FRY: variants seen among roughly 807,000 people sequenced by gnomAD.
FRY encodes FRY microtubule binding protein, also known as protein furry homolog.
A neutral mutation model predicts 348.4 loss-of-function variants in FRY; 128 were observed. The ratio of observed to expected loss-of-function variants is 0.37; its 90% CI spans 0.32 to 0.43. The LOEUF is 0.43. FRY is among the 20% of genes least tolerant of loss of function. FRY has a pLI of 1.00. For missense variants in FRY, 2,736 were observed against 3,695.2 expected (o/e 0.74, Z 6.73); for synonymous variants, 1,370 against 1,374.7 (o/e 1.00, Z 0.08).
chr13:32,172,270 T>C (rs1452039965), intron 18 of FRY, among the ~76,000 whole-genome samples: 4 of 152,194 alleles, frequency 2.6e-5, no homozygotes, highest in Non-Finnish European at 4.4e-5. Context: ...TGGATATTGA[T>C]GTGGATGTAG....
chr13:32,078,054 ATGAATTCAAAAAAAG>A (rs1875215499), intron 1 of FRY, among the ~76,000 whole-genome samples: 1 of 152,330 alleles, frequency 6.6e-6, no homozygotes, highest in East Asian at 1.9e-4. Flanking sequence ...AACTGCATTT[ATGAATTCAAAAAAAG>A]TTTAGCAACT....
At chr13:32,292,024 C>CCA (rs1387022050) in intron 59 of FRY, 1 of 451,540 alleles carries the variant, frequency 2.2e-6, no homozygotes, top group African/African-American at 2.0e-5. Context: ...ACTCTGTTGC[C>CCA]CAGGCTGGAG....
At chr13:32,229,156 T>C (rs1317030856) in intron 40 of FRY, among the ~76,000 whole-genome samples, 1 of 152,160 alleles carries the variant, frequency 6.6e-6, no homozygotes, top group African/African-American at 2.4e-5. Context: ...GGAAGCATAA[T>C]AGGAAAGGAA....
chr13:32,068,954 C>T (rs1181904718), intron 1 of FRY, among the ~76,000 whole-genome samples: 2 of 140,130 alleles, frequency 1.4e-5, no homozygotes, highest in African/African-American at 5.3e-5. Flanking sequence ...CTCGCTCTGT[C>T]GCCCAGGCTG....
chr13:32,283,585 C>T (rs1046293065), intron 58 of FRY, among the ~76,000 whole-genome samples: 1 of 152,216 alleles, frequency 6.6e-6, no homozygotes, highest in African/African-American at 2.4e-5. Context: ...GAGGAAAATT[C>T]TCAGCGCATG....
chr13:32,180,250 C>A (rs1375787608), intron 23 of FRY, among the ~76,000 whole-genome samples: 1 of 136,262 alleles, frequency 7.3e-6, no homozygotes, highest in East Asian at 2.1e-4. Context: ...TTTTTTTTTT[C>A]TTGAGACGGA....
chr13:32,060,293 GC>G lies in FRY; in HGVS notation c.71-18540del, dbSNP rs549161932. On this transcript the variant is annotated intron_variant, in intron 1 of 60. Transcript: ENST00000542859. ...AACCTAAACCTGTTTTCTTTTGAAG[GC>G]AGAACACTTAACATTCTCCAATATT... Among the ~76,000 whole-genome samples the G allele has an allele frequency of 2.2e-3, 340 of 152,264 alleles. 2 individuals carry two copies. Among genetic ancestry groups the G allele is most frequent in the Non-Finnish European group, 3.6e-3 (245 of 68,018 alleles).
intron 31 of FRY, among the ~76,000 whole-genome samples, chr13:32,204,998 T>A (rs1422124995): frequency 6.6e-6 from 1 of 151,688 alleles, no homozygotes; most frequent in Non-Finnish European, 1.5e-5. Context: ...AGGCCAGGAG[T>A]TCGAGACCAG....
At chr13:32,033,717 T>C (rs1049060908) in intron 1 of FRY, among the ~76,000 whole-genome samples, 15 of 152,222 alleles carry the variant, frequency 9.9e-5, no homozygotes, top group African/African-American at 3.4e-4. Context: ...TAAGACACAG[T>C]CCCTGCCCAC....
At chr13:32,200,821 C>A (rs1025274531) in intron 29 of FRY, among the ~76,000 whole-genome samples, 14 of 152,172 alleles carry the variant, frequency 9.2e-5, no homozygotes, top group African/African-American at 3.4e-4. Flanking sequence ...TGTCAGTTAC[C>A]AAATCCTGAT....
At chr13:32,161,471 C>T (rs375638570) in intron 17 of FRY, among the ~76,000 whole-genome samples, 2 of 152,078 alleles carry the variant, frequency 1.3e-5, no homozygotes, top group Admixed American at 1.3e-4. Context: ...CGCTAACAAC[C>T]CAAAGCCTGT....
At chr13:32,162,758 GTCA>G (rs1370696134) in intron 17 of FRY, among the ~76,000 whole-genome samples, 2 of 152,116 alleles carry the variant, frequency 1.3e-5, no homozygotes, top group African/African-American at 4.8e-5. Flanking sequence ...TCTTTCTGCT[GTCA>G]TCAGCAGCCT....
At position 32,061,335 on chromosome 13, in the gene FRY, G is replaced by A. The variant is rs187242366; in HGVS notation, c.71-17499G>A. ...TTCAGAGACAGGAGTAATGCTTGAG[G>A]TGTTACATTTGAGATTGTTATATTT... On this transcript the variant is annotated intron_variant, in intron 1 of 60. Coordinates refer to ENST00000542859, the MANE Select transcript of FRY (RefSeq NM_023037.3). 2.0e-5 allele frequency among the ~76,000 whole-genome samples: 3 copies of A among 152,252 alleles called. No homozygotes were observed. The East Asian group carries it at 5.8e-4, about 29-fold the overall frequency.
In FRY at chr13:32,265,613, C is replaced by T. The variant is rs756664434; in HGVS notation, c.7943C>T (p.Ala2648Val). ...CGGGCACTGGACCAGTTTACCCTGG[C>T]GAGGTAATGGAGCCCTTGGCTGATG... Reference protein sequence around the residue: ...GNRALDQFTLASFGEGDRGVS... With the variant: ...GNRALDQFTLVSFGEGDRGVS... The change falls in exon 54 of 61, where the codon GCG becomes GTG. Residue 2648 changes from alanine (A) to valine (V), a missense_variant. By Grantham distance (64) the Ala-to-Val change is moderately conservative. Around this residue, in one of 9 missense-constraint regions of FRY, gnomAD observed 789 missense variants for 996.2 expected, o/e 0.79. Coordinates refer to ENST00000542859, the MANE Select transcript of FRY (RefSeq NM_023037.3). 50 of 1,613,576 alleles carry T rather than the reference C, an allele frequency of 3.1e-5. No homozygotes were observed. The highest frequency in any genetic ancestry group is 6.7e-5 in the African/African-American group (5 of 74,890).
intron 1 of FRY, among the ~76,000 whole-genome samples, chr13:32,057,737 A>T (rs918029724): frequency 1.3e-5 from 2 of 152,160 alleles, no homozygotes; most frequent in Non-Finnish European, 2.9e-5. Context: ...AGGCAGGCAG[A>T]TCACGAGGTC....
At chr13:32,134,360 G>C (rs553713637) in intron 8 of FRY, among the ~76,000 whole-genome samples, 2 of 152,162 alleles carry the variant, frequency 1.3e-5, no homozygotes, top group African/African-American at 4.8e-5. Context: ...AGAGGGAAAC[G>C]TTCCTGACTT....
At position 32,209,601 on chromosome 13, in the gene FRY, C is replaced by G; in HGVS notation, c.4292C>G (p.Pro1431Arg). ...YMTAKYGDEV[P>R]GPEMENAWNA... The stretch of plus-strand genomic sequence containing the variant: ...TTGTTATAGTATGGAGATGAAGTTC[C>G]TGGGCCAGAAATGGAAAATGCTTGG... Residue 1431 changes from proline (P) to arginine (R), a missense_variant, in exon 33 of 61, where the codon CCT (proline) becomes CGT (arginine). Physicochemically the swap from Pro to Arg is moderately radical, Grantham distance 103. Coordinates refer to ENST00000542859, the MANE Select transcript of FRY (RefSeq NM_023037.3). 1.2e-6 allele frequency: 2 copies of G among 1,614,044 alleles called. No homozygotes were observed. Among genetic ancestry groups the G allele is most frequent in the Non-Finnish European group, 1.7e-6 (2 of 1,179,998 alleles).
At chr13:32,221,421 C>G (rs1352916380) in intron 36 of FRY, among the ~76,000 whole-genome samples, 1 of 152,198 alleles carries the variant, frequency 6.6e-6, no homozygotes, top group African/African-American at 2.4e-5. Context: ...AATCCTGTGC[C>G]CACCTGTATT....
chr13:32,200,798 A>AT (rs1883976727), intron 29 of FRY, among the ~76,000 whole-genome samples: 1 of 152,032 alleles, frequency 6.6e-6, no homozygotes, highest in South Asian at 2.1e-4. Context: ...CTCTCCCCCC[A>AT]TCCCACACAT....
Sources: allele counts gnomAD v4.1 joint callset (sites outside exome capture counted in the v4.1 genomes callset), GRCh38; gene constraint gnomAD v4.1.1; regional missense constraint gnomAD v4.1.1; transcripts MANE v1.5; gene names NCBI Gene and HGNC (gene_info 2026-07-23, HGNC 2026-07-21).